The following TAFA4 variants were observed in gnomAD, a reference collection of about 807,000 sequenced individuals.
TAFA4 encodes the protein chemokine-like protein TAFA-4.
Under a neutral mutation model 21.1 loss-of-function variants are expected in TAFA4, and 20 were observed. That is an observed-to-expected ratio of 0.95 (90% CI 0.67 to 1.38). TAFA4 has a LOEUF of 1.38. Among genes scored for constraint, TAFA4 ranks in the 40% most tolerant of loss-of-function variants. TAFA4 has a pLI of 0.00. For synonymous variants in TAFA4, 71 were observed against 67.4 expected, an observed-to-expected ratio of 1.05 and a Z score of -0.26; for missense variants, 211 against 180.9, an observed-to-expected ratio of 1.17 and a Z score of -0.95.
At chr3:68,815,475 C>G (rs1575621352) in intron 3 of TAFA4, among the ~76,000 whole-genome samples, 1 of 152,016 alleles carries the variant, frequency 6.6e-6, no homozygotes, top group South Asian at 2.1e-4. Flanking sequence ...AAGAAAAAAA[C>G]AAACAACCCC....
chr3:68,737,829 G>A (rs1354162428), intron 5 of TAFA4, among the ~76,000 whole-genome samples: 1 of 152,144 alleles, frequency 6.6e-6, no homozygotes, highest in Non-Finnish European at 1.5e-5. Context: ...TTCACTGTAT[G>A]TACTTCCTAA....
At chr3:68,913,769 G>A (rs913220619) in intron 1 of TAFA4, 2 of 145,828 alleles carry the variant, frequency 1.4e-5, no homozygotes, top group African/African-American at 5.0e-5. Context: ...CTCAATTAGA[G>A]ACAGAGAGAG....
At chr3:68,842,601 G>T (rs1244586535) in intron 3 of TAFA4, among the ~76,000 whole-genome samples, 2 of 152,078 alleles carry the variant, frequency 1.3e-5, no homozygotes, top group Non-Finnish European at 2.9e-5. Flanking sequence ...TGGTGTTTTA[G>T]CCATGAATTC....
intron 3 of TAFA4, among the ~76,000 whole-genome samples, chr3:68,787,334 C>T (rs2106807110): frequency 6.6e-6 from 1 of 152,240 alleles, no homozygotes; most frequent in East Asian, 1.9e-4. Context: ...ATCCATTAGG[C>T]TGAGAAGAAG....
chr3:68,734,057 G>T (rs550695816), intron 5 of TAFA4, among the ~76,000 whole-genome samples: 1 of 152,000 alleles, frequency 6.6e-6, no homozygotes, highest in Non-Finnish European at 1.5e-5. Flanking sequence ...AGGCCATACA[G>T]TCACTATAGC....
intron 3 of TAFA4, among the ~76,000 whole-genome samples, chr3:68,855,511 C>T (rs1361430041): frequency 6.6e-6 from 1 of 152,086 alleles, no homozygotes; most frequent in African/African-American, 2.4e-5. Context: ...CTACAGTACA[C>T]ACATACTATG....
At chr3:68,833,158 T>A (rs189542739) in intron 3 of TAFA4, among the ~76,000 whole-genome samples, 1 of 152,328 alleles carries the variant, frequency 6.6e-6, no homozygotes, top group East Asian at 1.9e-4. Context: ...CCTTTGCACC[T>A]GGGTGAGGCA....
At chr3:68,734,562 T>G (rs562687644) in intron 5 of TAFA4, among the ~76,000 whole-genome samples, 8 of 152,188 alleles carry the variant, frequency 5.3e-5, no homozygotes, top group African/African-American at 1.9e-4. Context: ...AACTGTCAAC[T>G]TAAAGAGTTG....
chr3:68,847,878 T>TG (rs1704846379), intron 3 of TAFA4, among the ~76,000 whole-genome samples: 1 of 152,206 alleles, frequency 6.6e-6, no homozygotes, highest in African/African-American at 2.4e-5. Context: ...GAACATGCCC[T>TG]CCAAAGGTTA....
chr3:68,744,148 T>TA (rs1474570434), intron 4 of TAFA4, among the ~76,000 whole-genome samples: 2 of 152,246 alleles, frequency 1.3e-5, no homozygotes, highest in Non-Finnish European at 2.9e-5. Flanking sequence ...AGAACCCGTG[T>TA]ACTTTGGAAA....
At chr3:68,750,115 A>G (rs1479858840) in intron 4 of TAFA4, among the ~76,000 whole-genome samples, 1 of 152,248 alleles carries the variant, frequency 6.6e-6, no homozygotes, top group African/African-American at 2.4e-5. Context: ...TTTTGCCATA[A>G]ACACAATCAA....
intron 1 of TAFA4, among the ~76,000 whole-genome samples, chr3:68,890,743 G>T (rs952846369): frequency 6.6e-6 from 1 of 152,152 alleles, no homozygotes; most frequent in Non-Finnish European, 1.5e-5. Flanking sequence ...AAAAATACCA[G>T]TCCCTTTTCA....
chr3:68,870,832 G>C (rs1451152289), intron 3 of TAFA4, among the ~76,000 whole-genome samples: 1 of 151,966 alleles, frequency 6.6e-6, no homozygotes, highest in Non-Finnish European at 1.5e-5. Context: ...AGAACATGCA[G>C]TGTTTGGTTT....
chr3:68,735,763 AGAATCAAGTAG>A, intron 5 of TAFA4, among the ~76,000 whole-genome samples: 1 of 152,278 alleles, frequency 6.6e-6, no homozygotes, highest in Admixed American at 6.5e-5. Context: ...ATGAAGTAAA[AGAATCAAGTAG>A]GAAGTTTGCA....
At chr3:68,783,713 A>AAAAAAAGAAAG (rs1703194628) in intron 3 of TAFA4, among the ~76,000 whole-genome samples, 1 of 80,756 alleles carries the variant, frequency 1.2e-5, no homozygotes, top group Non-Finnish European at 2.4e-5. Flanking sequence ...GAGAGAAAGA[A>AAAAAAAGAAAG]AAAGAAAGAA....
At chr3:68,788,026 G>T (rs1396975249) in intron 3 of TAFA4, among the ~76,000 whole-genome samples, 1 of 152,186 alleles carries the variant, frequency 6.6e-6, no homozygotes, top group Non-Finnish European at 1.5e-5. Context: ...GCATATTTCT[G>T]TAAGAGGTAA....
chr3:68,799,614 C>T (rs774935504), intron 3 of TAFA4, among the ~76,000 whole-genome samples: 3 of 152,104 alleles, frequency 2.0e-5, no homozygotes, highest in Non-Finnish European at 4.4e-5. Context: ...TCCCATAGCT[C>T]CTTATAGGAA....
At chr3:68,796,284 T>G (rs749931322) in intron 3 of TAFA4, among the ~76,000 whole-genome samples, 12 of 152,150 alleles carry the variant, frequency 7.9e-5, no homozygotes, top group Non-Finnish European at 1.6e-4. Context: ...AACACCTGAT[T>G]ATAAGGTTCA....
At chr3:68,912,364 G>A (rs914227877) in intron 1 of TAFA4, among the ~76,000 whole-genome samples, 10 of 152,188 alleles carry the variant, frequency 6.6e-5, no homozygotes, top group Admixed American at 5.9e-4. Flanking sequence ...TTAAAAGACT[G>A]CTGCAACTCA....
Sources: allele counts gnomAD v4.1 joint callset (sites outside exome capture counted in the v4.1 genomes callset), GRCh38; gene constraint gnomAD v4.1.1; transcripts MANE v1.5; gene names NCBI Gene and HGNC (gene_info 2026-07-23, HGNC 2026-07-21).